RUSC2: variants seen among roughly 807,000 people sequenced by gnomAD.
RUSC2 encodes the protein AP-4 complex accessory subunit RUSC2.
Under a neutral mutation model 122.2 loss-of-function variants are expected in RUSC2, and 34 were observed. That is an observed-to-expected ratio of 0.28 (90% CI 0.21 to 0.37). The LOEUF (loss-of-function observed/expected upper bound fraction) is 0.37. Ranked by LOEUF, RUSC2 falls within the 10% of genes least tolerant of loss-of-function variation. The pLI is 1.00. For missense variants in RUSC2, 1,747 were observed against 1,952.4 expected (o/e 0.89, Z 1.98); for synonymous variants, 784 against 790.0 (o/e 0.99, Z 0.13).
At position 35,560,434 on chromosome 9, in the gene RUSC2, G is replaced by C; in HGVS notation, c.3794G>C (p.Gly1265Ala). 1 of 1,614,212 alleles carries C rather than the reference G, an allele frequency of 6.2e-7. No homozygotes were observed. The highest frequency in any genetic ancestry group is 1.3e-5 in the African/African-American group (1 of 75,072). The part of the protein sequence containing the change: ...GGSGRARWAR[G>A]GQAGWWYQLM... ...TCAGGGCGTGCCAGGTGGGCCCGAG[G>C]TGGGCAGGCCGGCTGGTGGTACCAG... is the stretch of plus-strand genomic sequence containing the variant. The change falls in exon 10 of 12, where the codon GGT becomes GCT. Residue 1265 changes from glycine (G) to alanine (A), a missense_variant. Transcript: ENST00000361226.
chr9:35,517,289 C>T (rs940111765), intron 1 of RUSC2, among the ~76,000 whole-genome samples: 2 of 152,214 alleles, frequency 1.3e-5, no homozygotes, highest in Non-Finnish European at 2.9e-5. Flanking sequence ...TTCCAGAGAC[C>T]TGGCAAACTA....
chr9:35,501,119 C>T (rs1024898058), intron 1 of RUSC2, among the ~76,000 whole-genome samples: 2 of 152,254 alleles, frequency 1.3e-5, no homozygotes, highest in African/African-American at 4.8e-5. Context: ...CAAATATATT[C>T]TACAGGAAAG....
At position 35,560,980 on chromosome 9, in the gene RUSC2, G is replaced by C. The variant is rs775712430; in HGVS notation, c.4232G>C (p.Ser1411Thr). ...CCTAGGCTCCCCTCGGACTGGCTGA[G>C]CCTGGACAAGTCCATGTTCCAACTA... is the stretch of plus-strand genomic sequence containing the variant. ...PTNRLPSDWL[S>T]LDKSMFQLVA... The change falls in exon 11 of 12, where the codon AGC becomes ACC. Residue 1411 changes from serine (S) to threonine (T), a missense_variant. Physicochemically the swap from Ser to Thr is moderately conservative, Grantham distance 58 (BLOSUM62 1). Transcript: ENST00000361226. 1.2e-6 allele frequency: 2 copies of C among 1,614,208 alleles called. No homozygotes were observed. The highest frequency in any genetic ancestry group is 1.7e-6 in the Non-Finnish European group (2 of 1,180,028).
chr9:35,550,160 A>C (rs1407084603), intron 2 of RUSC2, among the ~76,000 whole-genome samples: 1 of 151,570 alleles, frequency 6.6e-6, no homozygotes, highest in Admixed American at 6.6e-5. Flanking sequence ...CAGTGAGCCG[A>C]GATCACGCCA....
In RUSC2 at chr9:35,558,319, C is replaced by A; in HGVS notation, c.3183C>A (p.Ile1061=). The part of the protein sequence containing the change: ...GLKAFVLDVI[I]GQRKNMPWSV... ...AGGCCTTTGTACTGGACGTCATCAT[C>A]GGGCAGCGTAAGAACATGCCATGGA... The change falls in exon 7 of 12, where the codon ATC becomes ATA. Residue 1061 remains isoleucine (I), a synonymous_variant. Coordinates refer to ENST00000361226, the MANE Select transcript of RUSC2 (RefSeq NM_014806.5). This position sits in a 1 kb window ranked among gnomAD's most constrained non-coding sequence, Gnocchi z 4.3. The A allele has an allele frequency of 6.2e-7, 1 of 1,614,142 alleles. No homozygotes were observed. The highest frequency in any genetic ancestry group is 2.2e-5 in the East Asian group (1 of 44,874).
At chr9:35,517,270 C>T (rs763512163) in intron 1 of RUSC2, among the ~76,000 whole-genome samples, 4 of 152,236 alleles carry the variant, frequency 2.6e-5, no homozygotes, top group Non-Finnish European at 5.9e-5. Context: ...TTCTAGTTCT[C>T]TTCGGGAGTT....
chr9:35,546,551 G>T lies in RUSC2; in HGVS notation c.30G>T (p.Glu10Asp). ...ATAGTCCCCCAAAGCTGACTGGAGAGACCCTCATCGTTCATCACATCCCCC... is the reference window on the plus strand; with the variant it reads ...ATAGTCCCCCAAAGCTGACTGGAGATACCCTCATCGTTCATCACATCCCCC... MDSPPKLTG[E>D]TLIVHHIPLV... Residue 10 changes from glutamate (E) to aspartate (D), a missense_variant, in exon 2 of 12, where the codon GAG becomes GAT. Glu to Asp is a conservative substitution (Grantham distance 45). Transcript: ENST00000361226. This position sits in a 1 kb window ranked among gnomAD's most constrained non-coding sequence, Gnocchi z 4.3. The T allele has an allele frequency of 6.8e-7, 1 of 1,479,982 alleles. No homozygotes were observed. Among genetic ancestry groups the T allele is most frequent in the South Asian group, 1.5e-5 (1 of 67,954 alleles). The allele number at this position is 1,479,982 out of a possible 1,614,324, so 91.7% of individuals were successfully genotyped here.
At chr9:35,498,408 G>A (rs900469816) in intron 1 of RUSC2, among the ~76,000 whole-genome samples, 4 of 151,944 alleles carry the variant, frequency 2.6e-5, no homozygotes, top group South Asian at 2.1e-4. Flanking sequence ...GCATCTTGGC[G>A]CCTGCCTGTA....
rs530733636 is a variant in RUSC2 at position 35,556,133 on chromosome 9, G to A, written c.2838G>A (p.Leu946=). The A allele has an allele frequency of 6.2e-7, 1 of 1,614,078 alleles. No homozygotes were observed. Among genetic ancestry groups the A allele is most frequent in the Admixed American group, 1.7e-5 (1 of 60,022 alleles). The part of the protein sequence containing the change: ...LSAASHLNCR[L]NGQAVKPLPL... The stretch of plus-strand genomic sequence containing the variant: ...CTGCCAGCCATCTGAACTGCCGGCT[G>A]AATGGTGTGTGAGCAGGGTCCCCAG... Residue 946 remains leucine, a synonymous_variant, in exon 4 of 12, where the codon CTG becomes CTA. Transcript: ENST00000361226.
At chr9:35,511,236 G>A (rs113581625) in intron 1 of RUSC2, among the ~76,000 whole-genome samples, 14 of 152,168 alleles carry the variant, frequency 9.2e-5, no homozygotes, top group Admixed American at 2.0e-4. Flanking sequence ...CCTATTGGAA[G>A]CAGCTAATAG....
At chr9:35,499,340 C>A (rs1226368673) in intron 1 of RUSC2, among the ~76,000 whole-genome samples, 1 of 151,934 alleles carries the variant, frequency 6.6e-6, no homozygotes, top group Non-Finnish European at 1.5e-5. Context: ...TAAATTATAG[C>A]CTACATAATA....
Position 35,548,798 on chromosome 9 carries a change from G to C in RUSC2, c.2014+263G>C, listed in dbSNP as rs1017283668. On this transcript the variant is annotated intron_variant, in intron 2 of 11. Coordinates refer to ENST00000361226, the MANE Select transcript of RUSC2 (RefSeq NM_014806.5). This position sits in a 1 kb window ranked among gnomAD's most constrained non-coding sequence, Gnocchi z 4.5. Reference sequence around the variant, plus strand: ...TGATCCCAGCCCTTTGGGAGGCCAAGCCAGGCGAATCACTTGAGGTCAGGA... The same window carrying C: ...TGATCCCAGCCCTTTGGGAGGCCAACCCAGGCGAATCACTTGAGGTCAGGA... 1.1e-6 allele frequency: 1 copy of C among 947,560 alleles called. No homozygotes were observed. Among genetic ancestry groups the C allele is most frequent in the Non-Finnish European group, 1.3e-6 (1 of 795,534 alleles). The allele number at this position is 947,560 out of a possible 1,614,324, so 58.7% of individuals were successfully genotyped here.
intron 1 of RUSC2, among the ~76,000 whole-genome samples, chr9:35,535,308 G>C (rs928332521): frequency 6.6e-6 from 1 of 151,946 alleles, no homozygotes; most frequent in African/African-American, 2.4e-5. Flanking sequence ...TAGAGACAAG[G>C]TTTCACCATG....
chr9:35,548,189 C>T lies in RUSC2; in HGVS notation c.1668C>T (p.Gly556=). The T allele has an allele frequency of 6.2e-7, 1 of 1,613,296 alleles. No homozygotes were observed. Among genetic ancestry groups the T allele is most frequent in the Non-Finnish European group, 8.5e-7 (1 of 1,179,946 alleles). The stretch of plus-strand genomic sequence containing the variant: ...CCAAGGGCCGGAAGAAAACTGGAGG[C>T]TCTGGCTCGCCCCCACTTCGTGTGA... ...ELAKGRKKTG[G]SGSPPLRVSV... The change falls in exon 2 of 12, where the codon GGC becomes GGT. Residue 556 remains glycine, a synonymous_variant. Coordinates refer to ENST00000361226, the MANE Select transcript of RUSC2 (RefSeq NM_014806.5). This position sits in a 1 kb window ranked among gnomAD's most constrained non-coding sequence, Gnocchi z 4.5.
chr9:35,494,527 A>C (rs1489585931), intron 1 of RUSC2, among the ~76,000 whole-genome samples: 41 of 152,118 alleles, frequency 2.7e-4, no homozygotes, highest in Non-Finnish European at 2.9e-5. Context: ...ATTTTGATTC[A>C]TATTTCTCTA....
chr9:35,516,393 G>A (rs1414733280), intron 1 of RUSC2, among the ~76,000 whole-genome samples: 1 of 152,096 alleles, frequency 6.6e-6, no homozygotes, highest in African/African-American at 2.4e-5. Context: ...AGAATGGGGA[G>A]TGAGTTCAGG....
chr9:35,505,136 A>G (rs1014066249), intron 1 of RUSC2, among the ~76,000 whole-genome samples: 4 of 152,212 alleles, frequency 2.6e-5, no homozygotes, highest in Admixed American at 2.6e-4. Flanking sequence ...ATATATGCCT[A>G]TATGCCTTTT....
chr9:35,543,597 CA>C (rs1821686283), intron 1 of RUSC2, among the ~76,000 whole-genome samples: 1 of 152,062 alleles, frequency 6.6e-6, no homozygotes. Context: ...TGCATACAGA[CA>C]TGTTTATTTA....
chr9:35,494,677 A>T (rs1171851892), intron 1 of RUSC2, among the ~76,000 whole-genome samples: 1 of 151,678 alleles, frequency 6.6e-6, no homozygotes, highest in Non-Finnish European at 1.5e-5. Context: ...TTTTTAATAC[A>T]TTTTGGACAT....
Sources: gnomAD v4.1 joint callset for allele counts (sites outside exome capture counted in the v4.1 genomes callset) on GRCh38, gnomAD v4.1.1 for gene constraint, Gnocchi (gnomAD v3.1) non-coding constraint, MANE v1.5 for transcripts, NCBI Gene and HGNC (gene_info 2026-07-23, HGNC 2026-07-21) for gene names.